Variants in AGBL4 observed in about 807,000 individuals in gnomAD.
The protein encoded by AGBL4 is cytosolic carboxypeptidase 6.
Under a neutral mutation model 66.4 loss-of-function variants are expected in AGBL4, and 58 were observed. That is an observed-to-expected ratio of 0.87 (90% CI 0.71 to 1.09). The LOEUF is 1.09. Ranked by LOEUF, AGBL4 falls within the 50% of genes least tolerant of loss-of-function variation. The probability of loss-of-function intolerance (pLI) is 0.00; values close to 1 mark genes in which losing one functional copy is unlikely to be tolerated. For missense variants in AGBL4, 579 were observed against 631.0 expected (o/e 0.92, Z 0.88); for synonymous variants, 234 against 222.9 (o/e 1.05, Z -0.44).
chr1:48,934,735 C>T (rs985445163), intron 5 of AGBL4, among the ~76,000 whole-genome samples: 2 of 152,136 alleles, frequency 1.3e-5, no homozygotes, highest in Non-Finnish European at 2.9e-5. Flanking sequence ...TCCTTCAGAC[C>T]ATTCCCCTCC....
intron 4 of AGBL4, among the ~76,000 whole-genome samples, chr1:49,190,438 T>A (rs1407495710): frequency 2.6e-5 from 4 of 152,186 alleles, no homozygotes; most frequent in African/African-American, 9.7e-5. Flanking sequence ...TTATCAATCA[T>A]GTTAATTTGG....
intron 6 of AGBL4, among the ~76,000 whole-genome samples, chr1:48,725,885 G>T (rs1450956463): frequency 6.6e-6 from 1 of 152,170 alleles, no homozygotes; most frequent in Non-Finnish European, 1.5e-5. Flanking sequence ...ATGATTCCTT[G>T]TTGCATCTAC....
At chr1:49,927,415 G>A (rs1652888097) in intron 1 of AGBL4, among the ~76,000 whole-genome samples, 1 of 152,092 alleles carries the variant, frequency 6.6e-6, no homozygotes, top group African/African-American at 2.4e-5. Flanking sequence ...AGAAGAAGCA[G>A]GCACCTCCTT....
chr1:48,712,655 G>C (rs1186612069), intron 6 of AGBL4, among the ~76,000 whole-genome samples: 1 of 152,136 alleles, frequency 6.6e-6, no homozygotes, highest in Admixed American at 6.5e-5. Context: ...GTAGCTGTTG[G>C]CATCACTGGA....
At chr1:49,193,065 C>T (rs1647153729) in intron 4 of AGBL4, among the ~76,000 whole-genome samples, 1 of 152,100 alleles carries the variant, frequency 6.6e-6, no homozygotes. Flanking sequence ...AGTTGTAATA[C>T]CTTTCTCATT....
chr1:49,211,858 T>C (rs751574774), intron 4 of AGBL4, among the ~76,000 whole-genome samples: 1 of 152,146 alleles, frequency 6.6e-6, no homozygotes, highest in Non-Finnish European at 1.5e-5. Context: ...TTGAAGTAGG[T>C]TTAAACTACC....
At chr1:48,568,291 T>TTCTC (rs151060894) in intron 11 of AGBL4, among the ~76,000 whole-genome samples, 340 of 148,402 alleles carry the variant, frequency 2.3e-3, no homozygotes, top group African/African-American at 4.5e-3. Context: ...AACAACACTC[T>TTCTC]TCTCTCTCTC....
chr1:48,988,474 G>C (rs891879103), intron 5 of AGBL4, among the ~76,000 whole-genome samples: 2 of 152,110 alleles, frequency 1.3e-5, no homozygotes, highest in Admixed American at 6.6e-5. Flanking sequence ...CAGCTTCTGG[G>C]AGAAAATATT....
At chr1:48,605,796 T>C (rs1645146081) in intron 9 of AGBL4, among the ~76,000 whole-genome samples, 1 of 152,212 alleles carries the variant, frequency 6.6e-6, no homozygotes, top group African/African-American at 2.4e-5. Flanking sequence ...CTCTGAGAAA[T>C]GCTATTGTTT....
At chr1:49,330,759 C>G (rs919501997) in intron 3 of AGBL4, among the ~76,000 whole-genome samples, 4 of 151,996 alleles carry the variant, frequency 2.6e-5, no homozygotes, top group South Asian at 2.1e-4. Flanking sequence ...AGAAATGAAG[C>G]AAAGGGGTGA....
At chr1:49,548,022 T>C (rs1209459873) in intron 3 of AGBL4, among the ~76,000 whole-genome samples, 1 of 152,172 alleles carries the variant, frequency 6.6e-6, no homozygotes, top group Non-Finnish European at 1.5e-5. Context: ...TCCGCCTGCC[T>C]TGGCCTCCCA....
At chr1:49,425,452 G>T (rs964935063) in intron 3 of AGBL4, among the ~76,000 whole-genome samples, 1 of 152,060 alleles carries the variant, frequency 6.6e-6, no homozygotes, top group Non-Finnish European at 1.5e-5. Context: ...TAAATATTTT[G>T]TAATATTTAT....
chr1:48,632,514 T>C (rs936470119), intron 9 of AGBL4, among the ~76,000 whole-genome samples: 6 of 152,216 alleles, frequency 3.9e-5, no homozygotes, highest in African/African-American at 1.2e-4. Flanking sequence ...ATTTCTCTCT[T>C]TGGGGATTTA....
downstream of AGBL4, among the ~76,000 whole-genome samples, chr1:48,528,471 A>G (rs1643891121): frequency 6.6e-6 from 1 of 152,098 alleles, no homozygotes; most frequent in South Asian, 2.1e-4. Flanking sequence ...AGGAGTTATA[A>G]TAGGCATCAT....
At chr1:49,133,843 G>T in intron 4 of AGBL4, among the ~76,000 whole-genome samples, 1 of 152,010 alleles carries the variant, frequency 6.6e-6, no homozygotes. Context: ...TGAATAAAAA[G>T]AATGCATTTC....
intron 5 of AGBL4, among the ~76,000 whole-genome samples, chr1:48,928,687 T>G (rs2148900244): frequency 6.6e-6 from 1 of 152,284 alleles, no homozygotes; most frequent in South Asian, 2.1e-4. Context: ...TCTCTGGGCC[T>G]TAGTTGTCTC....
At chr1:49,747,527 T>C (rs1651080824) in intron 2 of AGBL4, among the ~76,000 whole-genome samples, 1 of 152,210 alleles carries the variant, frequency 6.6e-6, no homozygotes, top group Non-Finnish European at 1.5e-5. Context: ...TTAATAATGT[T>C]GACTTTTTTC....
chr1:48,977,217 G>T (rs1447685924), intron 5 of AGBL4, among the ~76,000 whole-genome samples: 3 of 152,140 alleles, frequency 2.0e-5, no homozygotes, highest in Non-Finnish European at 4.4e-5. Context: ...TATAAGCTCT[G>T]TGACTGTAGA....
chr1:49,261,385 G>A lies in AGBL4; in HGVS notation c.283-15521C>T, dbSNP rs547734471. Among the ~76,000 whole-genome samples, 171 of 152,262 alleles carry A rather than the reference G, an allele frequency of 1.1e-3. 1 individual carries two copies. Among genetic ancestry groups the A allele is most frequent in the African/African-American group, 3.7e-3 (152 of 41,542 alleles). On this transcript the variant is annotated intron_variant, in intron 3 of 13. Transcript: ENST00000371839. The stretch of plus-strand genomic sequence containing the variant: ...AGTCAAATTGTCCCTGTTTGCAGAC[G>A]ACATGATTGTATATCTAGAAGACCC...
Sources: allele counts gnomAD v4.1 joint callset (sites outside exome capture counted in the v4.1 genomes callset), GRCh38; gene constraint gnomAD v4.1.1; transcripts MANE v1.5; gene names NCBI Gene and HGNC (gene_info 2026-07-23, HGNC 2026-07-21).